Variants in CDKAL1 observed in about 807,000 individuals in gnomAD.
The protein encoded by CDKAL1 is CDKAL1 threonylcarbamoyladenosine tRNA methylthiotransferase.
In CDKAL1, 32 loss-of-function variants were observed where a neutral mutation model predicts 68.2. That is an observed-to-expected ratio of 0.47 (90% confidence interval 0.35 to 0.63). The LOEUF (loss-of-function observed/expected upper bound fraction) is 0.63, where lower values mean the gene tolerates loss of function less well. CDKAL1 is among the 30% of genes least tolerant of loss of function. The probability of loss-of-function intolerance (pLI) is 0.00; values close to 1 mark genes in which losing one functional copy is unlikely to be tolerated. For synonymous variants in CDKAL1, 234 were observed against 244.3 expected, an observed-to-expected ratio of 0.96 and a Z score of 0.39; for missense variants, 606 against 696.7, an observed-to-expected ratio of 0.87 and a Z score of 1.47.
intron 11 of CDKAL1, among the ~76,000 whole-genome samples, chr6:21,001,915 C>T (rs988135447): frequency 1.3e-5 from 2 of 152,274 alleles, no homozygotes; most frequent in East Asian, 3.9e-4. Context: ...AAACATGCAT[C>T]CCGGGTGCAG....
intron 9 of CDKAL1, among the ~76,000 whole-genome samples, chr6:20,947,030 C>G (rs1216505424): frequency 6.6e-6 from 1 of 152,132 alleles, no homozygotes; most frequent in African/African-American, 2.4e-5. Flanking sequence ...GACCTTATCT[C>G]TAAGGTTTAG....
chr6:21,078,533 A>G (rs1031032151), intron 12 of CDKAL1, among the ~76,000 whole-genome samples: 19 of 152,340 alleles, frequency 1.2e-4, no homozygotes, highest in African/African-American at 4.3e-4. Context: ...AACTGAGGCC[A>G]TGAGTGATTA....
At chr6:20,977,698 C>T (rs977012898) in intron 10 of CDKAL1, among the ~76,000 whole-genome samples, 1 of 152,184 alleles carries the variant, frequency 6.6e-6, no homozygotes, top group Admixed American at 6.5e-5. Context: ...AGCAACCCAG[C>T]AAAATCCCAT....
intron 12 of CDKAL1, among the ~76,000 whole-genome samples, chr6:21,092,782 G>T (rs763663313): frequency 1.3e-5 from 2 of 149,514 alleles, no homozygotes; most frequent in Non-Finnish European, 3.0e-5. Context: ...AATGAGAGAA[G>T]ATATTTTATT....
intron 8 of CDKAL1, among the ~76,000 whole-genome samples, chr6:20,816,941 A>T (rs1198544721): frequency 1.3e-5 from 2 of 152,058 alleles, no homozygotes; most frequent in African/African-American, 2.4e-5. Flanking sequence ...TTAGTTTCAG[A>T]TTTTCACTAA....
At chr6:20,676,333 G>T (rs1369757184) in intron 5 of CDKAL1, among the ~76,000 whole-genome samples, 2 of 152,070 alleles carry the variant, frequency 1.3e-5, no homozygotes, top group Non-Finnish European at 2.9e-5. Flanking sequence ...TTTTAGTCCT[G>T]CAAACTCCGT....
chr6:21,047,972 T>C (rs1770336100), intron 11 of CDKAL1, among the ~76,000 whole-genome samples: 1 of 152,176 alleles, frequency 6.6e-6, no homozygotes, highest in South Asian at 2.1e-4. Context: ...TCAATCGGAA[T>C]TGGGTGATAA....
chr6:21,157,935 G>A (rs1343082613), intron 13 of CDKAL1, among the ~76,000 whole-genome samples: 3 of 152,214 alleles, frequency 2.0e-5, no homozygotes, highest in African/African-American at 7.2e-5. Flanking sequence ...CATTTTATTT[G>A]TAATACTTGT....
At chr6:20,725,902 A>G (rs568781271) in intron 5 of CDKAL1, among the ~76,000 whole-genome samples, 2 of 152,218 alleles carry the variant, frequency 1.3e-5, no homozygotes, top group South Asian at 4.2e-4. Flanking sequence ...AAACCATATA[A>G]ATTTCATCAG....
intron 8 of CDKAL1, among the ~76,000 whole-genome samples, chr6:20,843,383 A>G (rs1322581288): frequency 6.6e-6 from 1 of 152,084 alleles, no homozygotes; most frequent in Non-Finnish European, 1.5e-5. Context: ...AGCCCAAGTC[A>G]GAAATATTAG....
At chr6:20,929,763 C>T (rs1247627884) in intron 9 of CDKAL1, among the ~76,000 whole-genome samples, 1 of 152,168 alleles carries the variant, frequency 6.6e-6, no homozygotes, top group East Asian at 1.9e-4. Flanking sequence ...TTCTTCCCCA[C>T]TGACAGTTGG....
chr6:20,844,379 A>G (rs1778292178), intron 8 of CDKAL1, among the ~76,000 whole-genome samples: 1 of 152,060 alleles, frequency 6.6e-6, no homozygotes, highest in African/African-American at 2.4e-5. Context: ...TTCTTGTGGG[A>G]GGGGGCAGCT....
At chr6:20,676,635 C>T (rs1375901457) in intron 5 of CDKAL1, among the ~76,000 whole-genome samples, 1 of 150,922 alleles carries the variant, frequency 6.6e-6, no homozygotes, top group Non-Finnish European at 1.5e-5. Context: ...CCACTGCACT[C>T]CAGCCTGGGT....
intron 15 of CDKAL1, among the ~76,000 whole-genome samples, chr6:21,205,535 G>GTT (rs1218671233): frequency 2.2e-5 from 3 of 137,130 alleles, no homozygotes; most frequent in Admixed American, 7.4e-5. Flanking sequence ...AGCCTGTTTT[G>GTT]TTTTGTTTTT....
intron 9 of CDKAL1, among the ~76,000 whole-genome samples, chr6:20,891,544 T>G (rs893914915): frequency 2.0e-5 from 3 of 150,328 alleles, no homozygotes; most frequent in Non-Finnish European, 4.5e-5. Context: ...GTATTTTTTT[T>G]TTTTTTTTTG....
chr6:21,043,557 A>G (rs1424815359), intron 11 of CDKAL1, among the ~76,000 whole-genome samples: 1 of 152,224 alleles, frequency 6.6e-6, no homozygotes, highest in East Asian at 1.9e-4. Context: ...CTTACTTAAG[A>G]AAAAACTCAT....
intron 13 of CDKAL1, among the ~76,000 whole-genome samples, chr6:21,136,764 A>T (rs985647177): frequency 6.6e-6 from 1 of 152,132 alleles, no homozygotes. Context: ...TACCTTTTTG[A>T]GTTTCATATT....
chr6:20,731,358 G>A (rs1216944616), intron 5 of CDKAL1, among the ~76,000 whole-genome samples: 1 of 152,222 alleles, frequency 6.6e-6, no homozygotes, highest in East Asian at 1.9e-4. Context: ...CATGGTGGTA[G>A]CTGTGGGGAT....
At chr6:20,750,773 G>A (rs902026983) in intron 6 of CDKAL1, among the ~76,000 whole-genome samples, 4 of 151,880 alleles carry the variant, frequency 2.6e-5, no homozygotes, top group African/African-American at 9.7e-5. Context: ...GGATCAGTCT[G>A]GCCAACATGG....
Sources: allele counts gnomAD v4.1 joint callset (sites outside exome capture counted in the v4.1 genomes callset), GRCh38; gene constraint gnomAD v4.1.1; transcripts MANE v1.5; gene names NCBI Gene and HGNC (gene_info 2026-07-23, HGNC 2026-07-21).